Variants in CLPB observed in about 807,000 individuals in gnomAD.
CLPB encodes ClpB family mitochondrial disaggregase.
Under a neutral mutation model 78.4 loss-of-function variants are expected in CLPB, and 40 were observed. That is an observed-to-expected ratio of 0.51 (90% CI 0.40 to 0.66). The LOEUF is 0.66. Ranked by LOEUF, CLPB falls within the 30% of genes least tolerant of loss-of-function variation. CLPB has a pLI of 0.00. For missense variants in CLPB, 780 were observed against 886.9 expected, an observed-to-expected ratio of 0.88 and a Z score of 1.53; for synonymous variants, 333 against 348.0, an observed-to-expected ratio of 0.96 and a Z score of 0.48.
At chr11:72,293,813 G>A (rs1284685527) in intron 15 of CLPB, among the ~76,000 whole-genome samples, 198 bp from the exon 16 acceptor site, 8 of 152,196 alleles carry the variant, frequency 5.3e-5, no homozygotes, top group African/African-American at 1.9e-4. Context: ...CCAGTTCCCT[G>A]GTCCTAGTGG....
At chr11:72,295,780 T>C in intron 11 of CLPB, 132 bp from the exon 12 acceptor site, 1 of 842,658 alleles carries the variant, frequency 1.2e-6, no homozygotes, top group Non-Finnish European at 1.9e-6. Context: ...AGCAGCCAGC[T>C]GCTTCCTCCT....
intron 3 of CLPB, among the ~76,000 whole-genome samples, chr11:72,391,444 C>T (rs1339260848): frequency 1.3e-5 from 2 of 152,226 alleles, no homozygotes; most frequent in African/African-American, 4.8e-5. Context: ...TTGCCTTTCC[C>T]ACTAGACTAT....
At chr11:72,335,261 AG>A (rs1244610278) in intron 5 of CLPB, among the ~76,000 whole-genome samples, 1 of 152,160 alleles carries the variant, frequency 6.6e-6, no homozygotes, top group Admixed American at 6.5e-5. Context: ...ACTGGTGCTG[AG>A]GGAGCCCACT....
At chr11:72,409,080 T>C (rs747059294) in intron 2 of CLPB, among the ~76,000 whole-genome samples, 4 of 152,196 alleles carry the variant, frequency 2.6e-5, no homozygotes, top group Middle Eastern at 3.2e-3. Context: ...ATGAGTAGAA[T>C]GCTTAATTCA....
intron 2 of CLPB, among the ~76,000 whole-genome samples, chr11:72,424,810 C>T (rs991417482): frequency 2.0e-4 from 31 of 151,810 alleles, no homozygotes; most frequent in African/African-American, 6.8e-4. Flanking sequence ...GGCATGAACC[C>T]GGGTGGCGGA....
Position 72,383,392 on chromosome 11 carries a change from G to T in CLPB, c.543-3008C>A, listed in dbSNP as rs1006109139. 5.3e-5 allele frequency among the ~76,000 whole-genome samples: 8 copies of T among 151,958 alleles called. No homozygotes were observed. In the Middle Eastern group the frequency reaches 0.01, roughly 194 times the overall value. On this transcript the variant is annotated intron_variant, in intron 3 of 15. Coordinates refer to ENST00000538039, the MANE Select transcript of CLPB (RefSeq NM_001258392.3). ...TAAAAAATAAAAAAATTAGCCAGGC[G>T]TGGTGGCGGGCGCCTGTAGTCCCAG...
Position 72,308,603 on chromosome 11 carries a change from C to T in CLPB, c.990G>A (p.Ala330=), listed in dbSNP as rs765172842. 35 of 1,613,894 alleles carry T rather than the reference C, an allele frequency of 2.2e-5. No individual in the cohort carries two copies. Among genetic ancestry groups the T allele is most frequent in the Admixed American group, 8.3e-5 (5 of 60,008 alleles). ...QESAIATVGA[A]IRRKENGWYD... ...ACCAGCCATTCTCCTTCCTCCGGAT[C>T]GCTACGGCCAAACACACAAGATCAG... The change falls in exon 8 of 16, where the codon GCG becomes GCA. Residue 330 remains alanine, a splice_region_variant and synonymous_variant. Coordinates refer to ENST00000538039, the MANE Select transcript of CLPB (RefSeq NM_001258392.3).
chr11:72,433,973 T>TA, intron 1 of CLPB, 99 bp downstream of exon 1: 1 of 1,429,546 alleles, frequency 7.0e-7, no homozygotes, highest in Non-Finnish European at 9.5e-7. Flanking sequence ...ACTTAGGCTC[T>TA]AAGGATCTAA....
At chr11:72,294,468 G>T in intron 13 of CLPB, 24 bp from the exon 14 acceptor site, 2 of 1,613,828 alleles carry the variant, frequency 1.2e-6, no homozygotes, top group South Asian at 1.1e-5. Context: ...TTAGGGGTGG[G>T]ATGAGCTCAG....
chr11:72,352,856 C>T (rs903797020), intron 5 of CLPB: 2 of 152,242 alleles, frequency 1.3e-5, no homozygotes, highest in African/African-American at 4.8e-5. Flanking sequence ...TTGGGATCTG[C>T]TATCCTAACT....
At chr11:72,326,007 A>G (rs1342211205) in intron 6 of CLPB, among the ~76,000 whole-genome samples, 1 of 152,236 alleles carries the variant, frequency 6.6e-6, no homozygotes, top group Non-Finnish European at 1.5e-5. Context: ...AATTCCTAAT[A>G]GTCACTTATA....
At chr11:72,410,419 TCA>T (rs1471492191) in intron 2 of CLPB, among the ~76,000 whole-genome samples, 2 of 152,088 alleles carry the variant, frequency 1.3e-5, no homozygotes, top group Non-Finnish European at 2.9e-5. Flanking sequence ...ACTATATATG[TCA>T]CATAGGGGTG....
chr11:72,356,199 C>T (rs570868039), intron 5 of CLPB, among the ~76,000 whole-genome samples: 1 of 151,412 alleles, frequency 6.6e-6, no homozygotes, highest in South Asian at 2.1e-4. Flanking sequence ...GTAGGAGAAT[C>T]GCTTGAAGGC....
intron 5 of CLPB, among the ~76,000 whole-genome samples, chr11:72,339,608 T>C (rs1590815398): frequency 1.3e-5 from 2 of 152,204 alleles, no homozygotes; most frequent in South Asian, 2.1e-4. Flanking sequence ...TCAAGATTAA[T>C]TGTTATCCAT....
At chr11:72,340,691 G>A (rs1590816549) in intron 5 of CLPB, among the ~76,000 whole-genome samples, 1 of 152,244 alleles carries the variant, frequency 6.6e-6, no homozygotes, top group Non-Finnish European at 1.5e-5. Context: ...AGAGAGCTCT[G>A]GGAACATACA....
At chr11:72,365,902 T>C (rs1376990936) in intron 4 of CLPB, among the ~76,000 whole-genome samples, 1 of 152,060 alleles carries the variant, frequency 6.6e-6, no homozygotes, top group Non-Finnish European at 1.5e-5. Context: ...TATACAAAAA[T>C]CAACTCAAGA....
intron 2 of CLPB, among the ~76,000 whole-genome samples, chr11:72,420,452 C>A (rs1250901287): frequency 6.6e-6 from 1 of 152,038 alleles, no homozygotes; most frequent in African/African-American, 2.4e-5. Context: ...CGAGATTGTG[C>A]CACTGCACTC....
intron 8 of CLPB, among the ~76,000 whole-genome samples, 154 bp downstream of exon 8, chr11:72,308,373 G>C (rs184648762): frequency 1.5e-3 from 229 of 152,276 alleles, no homozygotes; most frequent in Middle Eastern, 0.01. Context: ...CCTCTTTCTT[G>C]GTGGCTCTGT....
chr11:72,382,787 A>T (rs534564408), intron 3 of CLPB, among the ~76,000 whole-genome samples: 2 of 152,334 alleles, frequency 1.3e-5, no homozygotes, highest in South Asian at 4.1e-4. Flanking sequence ...ACACCAAAGC[A>T]TGGCCAGAAG....
Sources: allele counts gnomAD v4.1 joint callset (sites outside exome capture counted in the v4.1 genomes callset), GRCh38; gene constraint gnomAD v4.1.1; transcripts MANE v1.5; gene names NCBI Gene and HGNC (gene_info 2026-07-23, HGNC 2026-07-21).